The following ABLIM1 variants were observed in gnomAD, a reference collection of about 807,000 sequenced individuals.
ABLIM1 encodes the protein actin binding LIM protein 1.
Under a neutral mutation model 107.0 loss-of-function variants are expected in ABLIM1, and 40 were observed. The observed-to-expected ratio is 0.37, with a 90% CI of 0.29 to 0.49. The LOEUF (loss-of-function observed/expected upper bound fraction) is 0.49. ABLIM1 is among the 20% of genes least tolerant of loss of function. The probability of loss-of-function intolerance (pLI) is 0.97; values close to 1 mark genes in which losing one functional copy is unlikely to be tolerated. For synonymous variants in ABLIM1, 357 were observed against 357.3 expected, an observed-to-expected ratio of 1.00 and a Z score of 0.01; for missense variants, 857 against 1,008.5, an observed-to-expected ratio of 0.85 and a Z score of 2.04.
chr10:114,453,454 G>T lies in ABLIM1; in HGVS notation c.1471C>A (p.Pro491Thr), dbSNP rs778437966. ...CGGCTGTCTGGCCGGTAAGGGAGAG[G>T]GGAGTTCCGGCCGCTGGACGGCTCA... ...GNEPSSGRNSPLPYRPDSRPL... is the reference protein window; with the variant it reads ...GNEPSSGRNSTLPYRPDSRPL... Residue 491 changes from proline to threonine, a missense_variant, in exon 13 of 23, where the codon CCT (proline) becomes ACT (threonine). Around this residue, in one of 5 missense-constraint regions of ABLIM1, gnomAD observed 381 missense variants for 506.9 expected, o/e 0.75. Transcript: ENST00000533213. The T allele has an allele frequency of 6.8e-5, 110 of 1,609,870 alleles. No individual in the cohort carries two copies. The South Asian group carries it at 1.0e-3, about 15-fold the overall frequency.
At chr10:114,791,595 G>A in the ABLIM1 span, among the ~76,000 whole-genome samples, 1 of 151,000 alleles carries the variant, frequency 6.6e-6, no homozygotes, top group Non-Finnish European at 1.5e-5. Context: ...CCAAGATTGC[G>A]CCACTGCACT....
rs2065024389 is a variant in ABLIM1, at chr10:114,465,783, G to A, written c.1356C>T (p.Ser452=). 12 of 1,614,128 alleles carry A rather than the reference G, an allele frequency of 7.4e-6. No homozygotes were observed. The highest frequency in any genetic ancestry group is 9.3e-6 in the Non-Finnish European group (11 of 1,180,016). Residue 452 remains serine, a synonymous_variant, in exon 12 of 23, where the codon AGC becomes AGT. Coordinates refer to ENST00000533213, the MANE Select transcript of ABLIM1 (RefSeq NM_002313.7). ...ACACAGGGGAGTTGATGGAGCCCTG[G>A]CTCGTGGACCGATGGATCATCCGAT... ...VRDRMIHRST[S]QGSINSPVYS... is the part of the protein sequence containing the mutation.
the ABLIM1 span, among the ~76,000 whole-genome samples, chr10:114,789,990 G>A: frequency 2.6e-5 from 4 of 152,072 alleles, no homozygotes; most frequent in African/African-American, 4.8e-5. Context: ...ATGGCGTTTC[G>A]CCATGTTGGC....
chr10:114,643,821 C>T (rs1227919673), intron 1 of ABLIM1, among the ~76,000 whole-genome samples: 2 of 152,136 alleles, frequency 1.3e-5, no homozygotes, highest in Admixed American at 1.3e-4. Context: ...AGCAATCCTC[C>T]TGCTTCAGCC....
chr10:114,624,809 T>C (rs1843650311), intron 1 of ABLIM1, among the ~76,000 whole-genome samples: 1 of 152,060 alleles, frequency 6.6e-6, no homozygotes, highest in African/African-American at 2.4e-5. Flanking sequence ...TCCTTTCCTT[T>C]AGCTTTGGAA....
At chr10:114,792,567 T>C in the ABLIM1 span, among the ~76,000 whole-genome samples, 1 of 152,190 alleles carries the variant, frequency 6.6e-6, no homozygotes, top group African/African-American at 2.4e-5. Context: ...CACCACTGCT[T>C]TGTGGTTCCC....
chr10:114,453,239 CT>C, intron 13 of ABLIM1, 139 bp downstream of exon 13: 4 of 855,750 alleles, frequency 4.7e-6, no homozygotes, highest in Non-Finnish European at 7.6e-6. Context: ...GAAAGGCCCC[CT>C]AGGTCAGATC....
At chr10:114,668,191 T>G (rs1461996296) in intron 1 of ABLIM1, among the ~76,000 whole-genome samples, 1 of 152,062 alleles carries the variant, frequency 6.6e-6, no homozygotes, top group Non-Finnish European at 1.5e-5. Context: ...TAGTCAACTA[T>G]CCATCAGCAT....
intron 2 of ABLIM1, among the ~76,000 whole-genome samples, chr10:114,594,580 T>A (rs1268982727): frequency 6.6e-6 from 1 of 152,060 alleles, no homozygotes; most frequent in African/African-American, 2.4e-5. Context: ...TGAAACCCCA[T>A]CTCTACTAAA....
At chr10:114,495,362 GT>G (rs1227612047) in intron 6 of ABLIM1, among the ~76,000 whole-genome samples, 1 of 152,048 alleles carries the variant, frequency 6.6e-6, no homozygotes. Flanking sequence ...AACCTCTATT[GT>G]AAAGTAGAGA....
intron 4 of ABLIM1, among the ~76,000 whole-genome samples, chr10:114,549,774 G>T (rs142094561): frequency 1.3e-5 from 2 of 152,172 alleles, no homozygotes; most frequent in Non-Finnish European, 2.9e-5. Context: ...AATACTATGG[G>T]CTGTTCAAAA....
chr10:114,694,921 T>G (rs1475156316), intron 1 of ABLIM1, among the ~76,000 whole-genome samples: 1 of 152,160 alleles, frequency 6.6e-6, no homozygotes, highest in African/African-American at 2.4e-5. Context: ...AGCAGCGCCC[T>G]CACCTGGGAA....
At chr10:114,642,842 A>G (rs186527718) in intron 1 of ABLIM1, among the ~76,000 whole-genome samples, 1 of 152,252 alleles carries the variant, frequency 6.6e-6, no homozygotes, top group Non-Finnish European at 1.5e-5. Flanking sequence ...CTAGCCTCAG[A>G]CTTCTCAACA....
chr10:114,543,931 C>T (rs1449911406), intron 6 of ABLIM1, among the ~76,000 whole-genome samples: 9 of 152,350 alleles, frequency 5.9e-5, no homozygotes, highest in Admixed American at 2.0e-4. Flanking sequence ...CAGCTGCCCA[C>T]GTCCCAGCAC....
At chr10:114,665,137 G>C (rs561040029) in intron 1 of ABLIM1, among the ~76,000 whole-genome samples, 16 of 151,472 alleles carry the variant, frequency 1.1e-4, no homozygotes, top group Non-Finnish European at 2.1e-4. Context: ...AAAAGTTCCA[G>C]AACAGAGATG....
the ABLIM1 span, among the ~76,000 whole-genome samples, chr10:114,798,122 T>C: frequency 6.6e-6 from 1 of 152,216 alleles, no homozygotes; most frequent in Admixed American, 6.5e-5. Flanking sequence ...ATATTTTTTA[T>C]ATAATAATGT....
At chr10:114,605,015 C>A (rs941476573) in intron 1 of ABLIM1, among the ~76,000 whole-genome samples, 5 of 152,210 alleles carry the variant, frequency 3.3e-5, no homozygotes, top group African/African-American at 1.2e-4. Context: ...ACAAAGTCCC[C>A]CATGCCCAGA....
chr10:114,566,593 T>C (rs1463914274), intron 4 of ABLIM1, among the ~76,000 whole-genome samples: 1 of 152,266 alleles, frequency 6.6e-6, no homozygotes. Flanking sequence ...ATCTAGTTAA[T>C]GTTCGTCAAA....
upstream of ABLIM1, among the ~76,000 whole-genome samples, chr10:114,689,073 C>T (rs770219877): frequency 3.0e-4 from 45 of 152,146 alleles, no homozygotes; most frequent in African/African-American, 1.0e-3. Flanking sequence ...CCTGTCTCTA[C>T]GGAGGCTGCA....
Sources: allele counts gnomAD v4.1 joint callset (sites outside exome capture counted in the v4.1 genomes callset), GRCh38; gene constraint gnomAD v4.1.1; regional missense constraint gnomAD v4.1.1; transcripts MANE v1.5; gene names NCBI Gene and HGNC (gene_info 2026-07-23, HGNC 2026-07-21).